The following IRF4 variants were observed in gnomAD, a reference collection of about 807,000 sequenced individuals.
The protein encoded by IRF4 is interferon regulatory factor 4.
IRF4 carries 13 observed loss-of-function variants against 55.5 expected under a neutral mutation model. That is an observed-to-expected ratio of 0.23 (90% CI 0.15 to 0.37). IRF4 has a LOEUF of 0.37. Ranked by LOEUF, IRF4 falls within the 10% of genes least tolerant of loss-of-function variation. IRF4 has a pLI of 1.00. For synonymous variants in IRF4, 249 were observed against 240.7 expected (o/e 1.03, Z -0.32); for missense variants, 397 against 593.8 (o/e 0.67, Z 3.44).
rs1274295539 is a variant in IRF4, at chr6:409,257, A to G, written c.*1659A>G. On this transcript the variant is annotated 3_prime_UTR_variant, in exon 9 of 9. Transcript: ENST00000380956. ...TTTTAATGTTTAAAAAGTTTCTAAT[A>G]TTAAAGTCAGAATATTAATACAATT... 1 of 193,346 alleles carries G rather than the reference A, an allele frequency of 5.2e-6. No homozygotes were observed. The highest frequency in any genetic ancestry group is 2.3e-5 in the African/African-American group (1 of 43,062). The allele number at this position is 193,346 out of a possible 1,614,324, so 12.0% of individuals were successfully genotyped here. A position where few individuals can be genotyped will look rare whatever the true frequency, so the allele number is the denominator to read the frequency against.
Position 393,098 on chromosome 6 carries a change from T to C in IRF4, c.-55T>C. On this transcript the variant is annotated splice_region_variant and 5_prime_UTR_variant, in exon 2 of 9. Transcript: ENST00000380956. This position sits in a 1 kb window ranked among gnomAD's most constrained non-coding sequence, Gnocchi z 5.4. ...TGAAGGGCAGCTCTTCTCCCCGCAGTGCAGAGCAGAGCGGGCGGAGGACCC... is the reference window on the plus strand; with the variant it reads ...TGAAGGGCAGCTCTTCTCCCCGCAGCGCAGAGCAGAGCGGGCGGAGGACCC... 1.9e-5 allele frequency: 28 copies of C among 1,489,324 alleles called. No homozygotes were observed. The highest frequency in any genetic ancestry group is 2.5e-5 in the Non-Finnish European group (28 of 1,099,176). The allele number at this position is 1,489,324 out of a possible 1,614,324, so 92.3% of individuals were successfully genotyped here.
rs1235374062 is a variant in IRF4 at position 410,588 on chromosome 6, G to A, written c.*2990G>A. ...TTGAGCGAGGGCATAAATACAGCTA[G>A]CCCCAGGGGTGGAACAACTCTGGGA... On this transcript the variant is annotated 3_prime_UTR_variant, in exon 9 of 9. Transcript: ENST00000380956. 8.7e-6 allele frequency: 2 copies of A among 230,896 alleles called. No homozygotes were observed. The highest frequency in any genetic ancestry group is 1.7e-5 in the Non-Finnish European group (2 of 116,584). 14.3% of individuals were successfully genotyped at this position (230,896 alleles called of 1,614,324 possible). A position where few individuals can be genotyped will look rare whatever the true frequency, so the allele number is the denominator to read the frequency against.
intron 7 of IRF4, among the ~76,000 whole-genome samples, 199 bp from the exon 8 acceptor site, chr6:404,819 G>T (rs1761502441): frequency 6.6e-6 from 1 of 152,186 alleles, no homozygotes; most frequent in African/African-American, 2.4e-5. Flanking sequence ...GAGGGCCCTG[G>T]GGGGAAAGCA....
chr6:409,519 A>C lies in IRF4; in HGVS notation c.*1921A>C, dbSNP rs1485968267. ...TCTTTGTAGCTAACAGTGAAGATTT[A>C]CCTCGTTCTGCTCAGAGGCCTTGCT... On this transcript the variant is annotated 3_prime_UTR_variant, in exon 9 of 9. Transcript: ENST00000380956. 4 of 217,052 alleles carry C rather than the reference A, an allele frequency of 1.8e-5. No individual in the cohort carries two copies. The highest frequency in any genetic ancestry group is 3.7e-5 in the Non-Finnish European group (4 of 107,612). The allele number at this position is 217,052 out of a possible 1,614,324, so 13.4% of individuals were successfully genotyped here. A position where few individuals can be genotyped will look rare whatever the true frequency, so the allele number is the denominator to read the frequency against.
intron 1 of IRF4, 66 bp downstream of exon 1, chr6:391,875 A>G (rs1349561436): frequency 2.2e-6 from 1 of 453,396 alleles, no homozygotes; most frequent in African/African-American, 2.0e-5. Context: ...CGGAGCGCGA[A>G]CCAGAGGTTC....
chr6:406,051 C>A (rs368911929), intron 8 of IRF4, among the ~76,000 whole-genome samples: 3 of 152,168 alleles, frequency 2.0e-5, no homozygotes, highest in East Asian at 3.8e-4. Flanking sequence ...GAACATACAA[C>A]CCCCCTTCTT....
At chr6:399,545 C>A (rs537951021) in intron 6 of IRF4, among the ~76,000 whole-genome samples, 1 of 149,782 alleles carries the variant, frequency 6.7e-6, no homozygotes, top group Admixed American at 6.6e-5. Flanking sequence ...ATCTTACCTA[C>A]TATAAAGAAG....
At chr6:400,791 TACACACACACAC>T (rs5873749) in intron 6 of IRF4, among the ~76,000 whole-genome samples, 1 of 150,158 alleles carries the variant, frequency 6.7e-6, no homozygotes, top group African/African-American at 2.4e-5. Flanking sequence ...TTTATATATG[TACACACACACAC>T]ACACACACAC....
chr6:406,885 C>T (rs998600297), intron 8 of IRF4: 54 of 1,073,614 alleles, frequency 5.0e-5, no homozygotes, highest in Non-Finnish European at 5.0e-5. Flanking sequence ...AACATTAAGG[C>T]GTTTTTGTTT....
intron 8 of IRF4, chr6:406,653 C>T (rs1761551352): frequency 7.3e-6 from 2 of 273,308 alleles, no homozygotes; most frequent in Non-Finnish European, 1.2e-5. Context: ...AAGATGGATC[C>T]CCAGATGACC....
chr6:401,092 A>G (rs953163072), intron 6 of IRF4, among the ~76,000 whole-genome samples: 1 of 152,224 alleles, frequency 6.6e-6, no homozygotes, highest in Non-Finnish European at 1.5e-5. Flanking sequence ...TTCAACTTAC[A>G]TTTCCAGAAA....
chr6:395,804 C>G (rs1320752015), intron 3 of IRF4, 43 bp from the exon 4 acceptor site: 1 of 1,450,602 alleles, frequency 6.9e-7, no homozygotes, highest in East Asian at 2.3e-5. Context: ...AGGTCAGTTC[C>G]TGTTTTTACG....
chr6:403,069 G>A (rs940818401), intron 7 of IRF4, among the ~76,000 whole-genome samples: 2 of 152,252 alleles, frequency 1.3e-5, no homozygotes, highest in African/African-American at 4.8e-5. Context: ...AGCTCACACA[G>A]AGGCTGACCA....
chr6:393,182 A>G lies in IRF4; in HGVS notation c.30A>G (p.Gly10=). 6.4e-7 allele frequency: 1 copy of G among 1,552,630 alleles called. No individual in the cohort carries two copies. Among genetic ancestry groups the G allele is most frequent in the Non-Finnish European group, 8.7e-7 (1 of 1,148,062 alleles). The change falls in exon 2 of 9, where the codon GGA becomes GGG. Residue 10 remains glycine, a synonymous_variant. Coordinates refer to ENST00000380956, the MANE Select transcript of IRF4 (RefSeq NM_002460.4). The surrounding 1 kb of genome is among the most constrained non-coding windows in gnomAD (Gnocchi z 5.4). ...ACCTGGAGGGCGGCGGCCGAGGCGG[A>G]GAGTTCGGCATGAGCGCGGTGAGCT... MNLEGGGRG[G]EFGMSAVSCG...
In IRF4 at chr6:391,760, C is replaced by T. The variant is rs1481968276; in HGVS notation, c.-105C>T. 5 of 456,058 alleles carry T rather than the reference C, an allele frequency of 1.1e-5. No homozygotes were observed. Among genetic ancestry groups the T allele is most frequent in the South Asian group, 6.2e-5 (4 of 64,546 alleles). The allele number at this position is 456,058 out of a possible 1,614,324, so 28.3% of individuals were successfully genotyped here. A position where few individuals can be genotyped will look rare whatever the true frequency, so the allele number is the denominator to read the frequency against. Reference sequence around the variant, plus strand: ...TCCCACCTCGCACTCTCAGTTTCACCGCTCGATCTTGGGACCCACCGCTGC... The same window carrying T: ...TCCCACCTCGCACTCTCAGTTTCACTGCTCGATCTTGGGACCCACCGCTGC... On this transcript the variant is annotated 5_prime_UTR_variant, in exon 1 of 9. Coordinates refer to ENST00000380956, the MANE Select transcript of IRF4 (RefSeq NM_002460.4).
Position 393,124 on chromosome 6 carries a change from C to T in IRF4, c.-29C>T, listed in dbSNP as rs1282017779. ...GCAGAGCAGAGCGGGCGGAGGACCC[C>T]GGGCGCGGGCGCGGACGGCACGCGG... On this transcript the variant is annotated 5_prime_UTR_variant, in exon 2 of 9. Coordinates refer to ENST00000380956, the MANE Select transcript of IRF4 (RefSeq NM_002460.4). This position sits in a 1 kb window ranked among gnomAD's most constrained non-coding sequence, Gnocchi z 5.4. 1 of 1,542,360 alleles carries T rather than the reference C, an allele frequency of 6.5e-7. No homozygotes were observed. The highest frequency in any genetic ancestry group is 2.5e-5 in the East Asian group (1 of 40,808).
chr6:398,303 CA>C (rs1761319329), intron 5 of IRF4, among the ~76,000 whole-genome samples: 1 of 152,226 alleles, frequency 6.6e-6, no homozygotes, highest in Non-Finnish European at 1.5e-5. Context: ...GTAAATGAAG[CA>C]GCAGCAAGAT....
chr6:404,287 G>A (rs184991834), intron 7 of IRF4, among the ~76,000 whole-genome samples: 171 of 152,332 alleles, frequency 1.1e-3, no homozygotes, highest in African/African-American at 3.8e-3. Flanking sequence ...GTTCCAGTCC[G>A]TTTTGTATCT....
chr6:402,774 G>A (rs1157393175), intron 7 of IRF4, among the ~76,000 whole-genome samples: 1 of 152,244 alleles, frequency 6.6e-6, no homozygotes, highest in Non-Finnish European at 1.5e-5. Context: ...GCCCATGCCT[G>A]TAATCCCAGC....
Sources: allele counts gnomAD v4.1 joint callset (sites outside exome capture counted in the v4.1 genomes callset), GRCh38; gene constraint gnomAD v4.1.1; non-coding constraint Gnocchi (gnomAD v3.1); transcripts MANE v1.5; gene names NCBI Gene and HGNC (gene_info 2026-07-23, HGNC 2026-07-21).